The following PLEKHA5 variants were observed in gnomAD, a reference collection of about 807,000 sequenced individuals.
PLEKHA5 encodes pleckstrin homology domain-containing family A member 5.
In PLEKHA5, 55 loss-of-function variants were observed where a neutral mutation model predicts 181.9. The observed-to-expected ratio is 0.30, with a 90% CI of 0.24 to 0.38. The LOEUF is 0.38. PLEKHA5 is among the 10% of genes least tolerant of loss of function. The pLI, the probability that PLEKHA5 is intolerant of heterozygous loss-of-function variation, is 1.00. For synonymous variants in PLEKHA5, 535 were observed against 529.4 expected (o/e 1.01, Z -0.15); for missense variants, 1,432 against 1,549.5 (o/e 0.92, Z 1.27).
intron 29 of PLEKHA5, among the ~76,000 whole-genome samples, chr12:19,363,648 T>A (rs377168417): frequency 6.6e-6 from 1 of 151,798 alleles, no homozygotes; most frequent in Non-Finnish European, 1.5e-5. Context: ...TGTGCCACCA[T>A]GCCCAGCTAA....
At chr12:19,321,481 A>G (rs945181498) in intron 18 of PLEKHA5, 1 of 147,984 alleles carries the variant, frequency 6.8e-6, no homozygotes, top group African/African-American at 2.5e-5. Context: ...CTTATGCCTC[A>G]GACACCCAAA....
chr12:19,314,058 A>G (rs186154890), intron 15 of PLEKHA5, among the ~76,000 whole-genome samples: 29 of 152,272 alleles, frequency 1.9e-4, no homozygotes, highest in Admixed American at 6.5e-4. Flanking sequence ...GCCTTTTACT[A>G]TATACATCAT....
intron 15 of PLEKHA5, among the ~76,000 whole-genome samples, chr12:19,303,097 T>C (rs563100313): frequency 1.3e-4 from 20 of 151,308 alleles, no homozygotes; most frequent in South Asian, 6.3e-4. Flanking sequence ...AATTTTTGCA[T>C]TTTTAGTAGA....
chr12:19,253,085 T>C (rs1239013376), intron 3 of PLEKHA5, among the ~76,000 whole-genome samples: 1 of 133,404 alleles, frequency 7.5e-6, no homozygotes, highest in East Asian at 2.1e-4. Flanking sequence ...TTTTTTTTTT[T>C]TTTTTGGGAG....
chr12:19,270,013 G>A (rs994008810), intron 9 of PLEKHA5, 128 bp downstream of exon 9: 5 of 643,362 alleles, frequency 7.8e-6, no homozygotes, highest in African/African-American at 3.7e-5. Flanking sequence ...TCCTCAGAAA[G>A]CAAGGATCAA....
At position 19,231,614 on chromosome 12, in the gene PLEKHA5, A is replaced by ATTTATATATG. The variant is rs1294650905; in HGVS notation, c.228-22325_228-22324insTTATATATGT. ...TATATGTACACATATATATATATAA[A>ATTTATATATG]TACTCATAAAGCTTGAGTTATTTTA... is the stretch of plus-strand genomic sequence containing the variant. On this transcript the variant is annotated intron_variant, in intron 3 of 31. Transcript: ENST00000429027. Among the ~76,000 whole-genome samples the ATTTATATATG allele has an allele frequency of 6.2e-3, 910 of 146,742 alleles. 2 individuals carry two copies. The highest frequency in any genetic ancestry group is 8.3e-3 in the Non-Finnish European group (552 of 66,660).
chr12:19,284,425 T>C (rs2076811930), intron 12 of PLEKHA5, among the ~76,000 whole-genome samples: 1 of 152,138 alleles, frequency 6.6e-6, no homozygotes, highest in Non-Finnish European at 1.5e-5. Flanking sequence ...ACACCTACTG[T>C]CTTCTGGCAT....
At chr12:19,165,914 G>A (rs150458249) in intron 3 of PLEKHA5, among the ~76,000 whole-genome samples, 101 of 152,282 alleles carry the variant, frequency 6.6e-4, no homozygotes, top group African/African-American at 2.4e-3. Flanking sequence ...TCAACTTTAA[G>A]CAAAAGGACA....
At chr12:19,224,936 G>A (rs1000627077) in intron 3 of PLEKHA5, among the ~76,000 whole-genome samples, 1 of 152,116 alleles carries the variant, frequency 6.6e-6, no homozygotes, top group Non-Finnish European at 1.5e-5. Flanking sequence ...AGGAGGTCAA[G>A]GCTATAGTGT....
intron 8 of PLEKHA5, among the ~76,000 whole-genome samples, chr12:19,267,489 G>A (rs922192406): frequency 3.8e-4 from 58 of 151,844 alleles, no homozygotes; most frequent in African/African-American, 1.2e-3. Flanking sequence ...GTGAAACCTC[G>A]TCTGTACTAA....
intron 3 of PLEKHA5, among the ~76,000 whole-genome samples, chr12:19,141,764 CAGTAGAACTTCACT>C (rs1180806763): frequency 1.8e-5 from 1 of 56,322 alleles, no homozygotes; most frequent in Admixed American, 2.3e-4. Context: ...GCACAAGTGG[CAGTAGAACTTCACT>C]GTGGTGGAAA....
chr12:19,314,867 G>A lies in PLEKHA5; in HGVS notation c.2091G>A (p.Ser697=), dbSNP rs905857302. The A allele has an allele frequency of 8.4e-6, 13 of 1,547,240 alleles. No homozygotes were observed. Among genetic ancestry groups the A allele is most frequent in the Middle Eastern group, 1.7e-4 (1 of 6,006 alleles). ...TGGTTCACACAATGATTGAGAACTC[G>A]GCGCTAAGACCCCAACTGTACCAGC... ...ITMVHTMIEN[S]ALRPQLYQQF... Residue 697 remains serine, a synonymous_variant, in exon 16 of 32, where the codon TCG becomes TCA. Transcript: ENST00000429027.
Position 19,307,913 on chromosome 12 carries a change from C to T in PLEKHA5, c.2038-6901C>T, listed in dbSNP as rs144184029. The stretch of plus-strand genomic sequence containing the variant: ...AAAGAAAATTGTCTCTCTCACCATC[C>T]CCTGGGAAACATAAAAAGAAGAAGA... On this transcript the variant is annotated intron_variant, in intron 15 of 31. Coordinates refer to ENST00000429027, the MANE Select transcript of PLEKHA5 (RefSeq NM_001256470.2). Among the ~76,000 whole-genome samples the T allele has an allele frequency of 4.6e-5, 7 of 151,384 alleles. No homozygotes were observed. The East Asian group carries it at 1.4e-3, about 29-fold the overall frequency.
intron 11 of PLEKHA5, among the ~76,000 whole-genome samples, chr12:19,279,091 G>C (rs1473918397): frequency 6.6e-6 from 1 of 152,074 alleles, no homozygotes; most frequent in East Asian, 1.9e-4. Flanking sequence ...TTGGCCATTG[G>C]CTAGATTTTA....
chr12:19,299,608 TTTG>T (rs2080894662), intron 15 of PLEKHA5, among the ~76,000 whole-genome samples: 1 of 152,198 alleles, frequency 6.6e-6, no homozygotes. Flanking sequence ...GGATAATAAG[TTTG>T]TTAACTGTAA....
At chr12:19,370,662 G>A (rs984912379) in intron 31 of PLEKHA5, 1 of 151,888 alleles carries the variant, frequency 6.6e-6, no homozygotes, top group African/African-American at 2.4e-5. Context: ...ATAAGCATTA[G>A]TACTAACATC....
chr12:19,205,261 C>T (rs1432810107), intron 3 of PLEKHA5: 13 of 309,012 alleles, frequency 4.2e-5, no homozygotes, highest in Non-Finnish European at 6.1e-5. Flanking sequence ...TGAGCATGCT[C>T]ATATGAAGTA....
chr12:19,359,280 A>T, intron 27 of PLEKHA5, 132 bp from the exon 28 acceptor site: 1 of 676,026 alleles, frequency 1.5e-6, no homozygotes, highest in South Asian at 2.6e-5. Flanking sequence ...TTTCTTTGTT[A>T]GTTTTCATAG....
intron 3 of PLEKHA5, among the ~76,000 whole-genome samples, chr12:19,246,433 G>C (rs1283814941): frequency 2.0e-5 from 3 of 151,552 alleles, no homozygotes; most frequent in African/African-American, 7.3e-5. Context: ...GACCAGCCTG[G>C]CTATGATGGT....
Sources: gnomAD v4.1 joint callset for allele counts (sites outside exome capture counted in the v4.1 genomes callset) on GRCh38, gnomAD v4.1.1 for gene constraint, MANE v1.5 for transcripts, NCBI Gene and HGNC (gene_info 2026-07-23, HGNC 2026-07-21) for gene names.